BBOX1: variants seen among roughly 807,000 people sequenced by gnomAD.
BBOX1 encodes gamma-butyrobetaine dioxygenase.
In BBOX1, 35 loss-of-function variants were observed where a neutral mutation model predicts 41.6. The ratio of observed to expected loss-of-function variants is 0.84; its 90% confidence interval spans 0.64 to 1.11. The LOEUF (loss-of-function observed/expected upper bound fraction) is 1.11, where lower values mean the gene tolerates loss of function less well. Ranked by LOEUF, BBOX1 falls within the 50% of genes most tolerant of loss-of-function variation. The pLI is 0.00. For synonymous variants in BBOX1, 163 were observed against 154.7 expected, an observed-to-expected ratio of 1.05 and a Z score of -0.40; for missense variants, 458 against 460.6, an observed-to-expected ratio of 0.99 and a Z score of 0.05.
chr11:27,056,321 G>A (rs1210140028), intron 3 of BBOX1, among the ~76,000 whole-genome samples: 4 of 152,122 alleles, frequency 2.6e-5, no homozygotes, highest in South Asian at 2.1e-4. Context: ...GCAGTGGGGC[G>A]ATCTCAGCTC....
chr11:27,100,424 G>T (rs939030822), intron 5 of BBOX1, among the ~76,000 whole-genome samples: 2 of 152,086 alleles, frequency 1.3e-5, no homozygotes, highest in African/African-American at 2.4e-5. Context: ...AGAAGACAAA[G>T]AAAAATTGCC....
chr11:27,119,363 G>C (rs1564990676), intron 6 of BBOX1, among the ~76,000 whole-genome samples: 1 of 151,824 alleles, frequency 6.6e-6, no homozygotes, highest in Non-Finnish European at 1.5e-5. Flanking sequence ...TTGCTAATGA[G>C]CATTATCATG....
At chr11:27,101,978 A>G (rs1033864624) in intron 5 of BBOX1, among the ~76,000 whole-genome samples, 1 of 152,088 alleles carries the variant, frequency 6.6e-6, no homozygotes, top group Non-Finnish European at 1.5e-5. Flanking sequence ...TACCATTTTG[A>G]CAAGTATCTC....
intron 4 of BBOX1, among the ~76,000 whole-genome samples, chr11:27,088,214 C>T (rs765526492): frequency 4.6e-5 from 7 of 151,902 alleles, no homozygotes; most frequent in African/African-American, 7.2e-5. Flanking sequence ...ACAATGTAGT[C>T]AAAATATAAA....
At chr11:27,100,467 C>T (rs1691868199) in intron 5 of BBOX1, among the ~76,000 whole-genome samples, 1 of 152,058 alleles carries the variant, frequency 6.6e-6, no homozygotes, top group Non-Finnish European at 1.5e-5. Context: ...TCCCATTCTA[C>T]TTTTTAAAAA....
At chr11:27,103,090 C>T (rs1037398472) in intron 5 of BBOX1, among the ~76,000 whole-genome samples, 17 of 151,678 alleles carry the variant, frequency 1.1e-4, no homozygotes, top group Admixed American at 9.9e-4. Flanking sequence ...CTTGGGAGGC[C>T]GAGGCAGGAG....
intron 3 of BBOX1, among the ~76,000 whole-genome samples, chr11:27,056,521 G>A (rs2133962672): frequency 6.6e-6 from 1 of 152,138 alleles, no homozygotes; most frequent in African/African-American, 2.4e-5. Flanking sequence ...CTCCCAAAGT[G>A]CTGGGATTAC....
chr11:27,083,183 G>A (rs1857910845), intron 4 of BBOX1, among the ~76,000 whole-genome samples: 1 of 152,076 alleles, frequency 6.6e-6, no homozygotes, highest in Admixed American at 6.6e-5. Flanking sequence ...GTTGCTTTGA[G>A]CCTCTAGTCA....
intron 5 of BBOX1, among the ~76,000 whole-genome samples, chr11:27,096,164 C>A (rs1858431921): frequency 6.6e-6 from 1 of 151,958 alleles, no homozygotes; most frequent in South Asian, 2.1e-4. Context: ...TTTATATCAT[C>A]TGAACTCTCA....
chr11:27,072,841 A>T (rs1590186513), intron 4 of BBOX1, among the ~76,000 whole-genome samples: 1 of 152,348 alleles, frequency 6.6e-6, no homozygotes, highest in African/African-American at 2.4e-5. Flanking sequence ...TATTCAATAA[A>T]TGGTGCTGGG....
intron 3 of BBOX1, among the ~76,000 whole-genome samples, chr11:27,056,329 C>T (rs1054128332): frequency 7.2e-5 from 11 of 152,156 alleles, no homozygotes; most frequent in African/African-American, 2.7e-4. Flanking sequence ...GCGATCTCAG[C>T]TCACTGCAAC....
chr11:27,059,027 G>A (rs181690294), intron 4 of BBOX1, among the ~76,000 whole-genome samples: 75 of 152,272 alleles, frequency 4.9e-4, no homozygotes, highest in African/African-American at 1.6e-3. Flanking sequence ...AAAAGCCTTC[G>A]AAGGCATTTC....
At chr11:27,124,733 G>A (rs1264843800) in intron 7 of BBOX1, among the ~76,000 whole-genome samples, 1 of 152,096 alleles carries the variant, frequency 6.6e-6, no homozygotes, top group East Asian at 1.9e-4. Flanking sequence ...TGTTGGCCAG[G>A]CTGTCCTCGA....
intron 2 of BBOX1, among the ~76,000 whole-genome samples, chr11:27,046,662 T>C (rs1851496506): frequency 1.3e-5 from 2 of 152,162 alleles, no homozygotes; most frequent in Non-Finnish European, 2.9e-5. Context: ...TGTTCTTTAA[T>C]TTGTCAAAGA....
intron 7 of BBOX1, among the ~76,000 whole-genome samples, chr11:27,121,599 A>G (rs1859467619): frequency 6.6e-6 from 1 of 152,154 alleles, no homozygotes; most frequent in Admixed American, 6.6e-5. Flanking sequence ...TTTTGCATGT[A>G]TAAACAGATT....
At chr11:27,125,310 A>G (rs1031680018) in intron 7 of BBOX1, among the ~76,000 whole-genome samples, 1 of 152,198 alleles carries the variant, frequency 6.6e-6, no homozygotes, top group Non-Finnish European at 1.5e-5. Flanking sequence ...TGACCTATAA[A>G]TTTGTAACAT....
At chr11:27,099,956 T>C (rs551927782) in intron 5 of BBOX1, among the ~76,000 whole-genome samples, 5 of 152,266 alleles carry the variant, frequency 3.3e-5, no homozygotes, top group African/African-American at 9.6e-5. Context: ...TAGTGAGTTG[T>C]TGATCTAATC....
chr11:27,048,990 A>G (rs1447759873), intron 2 of BBOX1, among the ~76,000 whole-genome samples: 1 of 146,342 alleles, frequency 6.8e-6, no homozygotes, highest in Non-Finnish European at 1.5e-5. Flanking sequence ...GAGTGAGAAT[A>G]TGCGGTGTTT....
intron 4 of BBOX1, among the ~76,000 whole-genome samples, chr11:27,089,449 T>C (rs1858158808): frequency 6.6e-6 from 1 of 151,952 alleles, no homozygotes; most frequent in Non-Finnish European, 1.5e-5. Context: ...TAAACAGCTG[T>C]AGTAAAGGCA....
Sources: allele counts gnomAD v4.1 joint callset (sites outside exome capture counted in the v4.1 genomes callset), GRCh38; gene constraint gnomAD v4.1.1; transcripts MANE v1.5; gene names NCBI Gene and HGNC (gene_info 2026-07-23, HGNC 2026-07-21).